Variants in DGKB observed in about 807,000 individuals in gnomAD.
The protein encoded by DGKB is diacylglycerol kinase beta.
DGKB carries 67 observed loss-of-function variants against 114.3 expected under a neutral mutation model. The ratio of observed to expected loss-of-function variants is 0.59; its 90% CI spans 0.48 to 0.72. DGKB has a LOEUF of 0.72. DGKB is among the 30% of genes least tolerant of loss of function. DGKB has a pLI of 0.00. For synonymous variants in DGKB, 398 were observed against 323.1 expected (o/e 1.23, Z -2.49); for missense variants, 907 against 975.2 (o/e 0.93, Z 0.93).
At chr7:14,200,317 C>T (rs1562598035) in intron 23 of DGKB, among the ~76,000 whole-genome samples, 1 of 151,960 alleles carries the variant, frequency 6.6e-6, no homozygotes, top group Non-Finnish European at 1.5e-5. Context: ...CAAGACCTAG[C>T]AGTTAAAAAA....
intron 1 of DGKB, among the ~76,000 whole-genome samples, chr7:14,882,435 T>C (rs2128215149): frequency 6.6e-6 from 1 of 152,208 alleles, no homozygotes; most frequent in Non-Finnish European, 1.5e-5. Context: ...TTTGAACTTC[T>C]ACTTTCTTTT....
chr7:14,729,131 T>G (rs1379429597), intron 5 of DGKB, among the ~76,000 whole-genome samples: 5 of 146,264 alleles, frequency 3.4e-5, no homozygotes, highest in Non-Finnish European at 7.5e-5. Flanking sequence ...TTCTTTTTTT[T>G]TTTTTTTTTT....
chr7:14,807,695 C>T (rs1462209726), intron 2 of DGKB, among the ~76,000 whole-genome samples: 1 of 151,986 alleles, frequency 6.6e-6, no homozygotes, highest in African/African-American at 2.4e-5. Context: ...GCCACAGAAG[C>T]TCTTGCTTTC....
intron 21 of DGKB, among the ~76,000 whole-genome samples, chr7:14,463,780 G>T (rs1238057891): frequency 6.6e-6 from 1 of 152,086 alleles, no homozygotes; most frequent in Non-Finnish European, 1.5e-5. Context: ...AATAATAATT[G>T]TAACTATCTC....
At chr7:14,267,790 A>G (rs1054346589) in intron 23 of DGKB, among the ~76,000 whole-genome samples, 1 of 152,048 alleles carries the variant, frequency 6.6e-6, no homozygotes, top group African/African-American at 2.4e-5. Flanking sequence ...TTCCCGGCCT[A>G]TTGTTTTAAG....
Position 14,606,137 on chromosome 7 carries a change from T to C in DGKB, c.1433+1297A>G, listed in dbSNP as rs140885111. On this transcript the variant is annotated intron_variant, in intron 17 of 25. Coordinates refer to ENST00000402815, the MANE Select transcript of DGKB (RefSeq NM_001350709.2). Reference sequence around the variant, plus strand: ...CTACTTTTTTGAAGTCCAGAGAATATTAAAGGACAAGAAAAAGAGCCATCC... The same window carrying C: ...CTACTTTTTTGAAGTCCAGAGAATACTAAAGGACAAGAAAAAGAGCCATCC... 3.6e-3 allele frequency among the ~76,000 whole-genome samples: 547 copies of C among 152,230 alleles called. 2 individuals are homozygous for C. The highest frequency in any genetic ancestry group is 6.0e-3 in the Non-Finnish European group (406 of 68,016).
chr7:14,699,721 A>C lies in DGKB; in HGVS notation c.517-1552T>G, dbSNP rs575267459. ...CCTGACAGCGAAGGAAAAATATTGG[A>C]GTAGTAGCTATTGTGGAGAAAACCC... On this transcript the variant is annotated intron_variant, in intron 7 of 25. Transcript: ENST00000402815. Among the ~76,000 whole-genome samples the C allele has an allele frequency of 3.9e-5, 6 of 152,308 alleles. No individual in the cohort carries two copies. The South Asian group carries it at 1.2e-3, about 32-fold the overall frequency.
chr7:14,957,009 T>C (rs766508369), intron 1 of DGKB, among the ~76,000 whole-genome samples: 3 of 152,006 alleles, frequency 2.0e-5, no homozygotes, highest in Non-Finnish European at 2.9e-5. Context: ...CTGTCAGTCA[T>C]ACACAAACAT....
At chr7:14,418,197 TTA>T (rs565100770) in intron 21 of DGKB, among the ~76,000 whole-genome samples, 2,154 of 122,848 alleles carry the variant, frequency 0.018, 52 homozygotes, top group African/African-American at 0.052. Flanking sequence ...ATAAAAAATT[TTA>T]TATTTATAAA....
chr7:14,483,877 C>G (rs777262807), intron 20 of DGKB, among the ~76,000 whole-genome samples: 1 of 152,018 alleles, frequency 6.6e-6, no homozygotes, highest in Non-Finnish European at 1.5e-5. Context: ...GGAGCATAAA[C>G]CTAGGAGCAC....
chr7:14,577,600 G>C (rs946861990), intron 19 of DGKB, among the ~76,000 whole-genome samples: 3 of 151,538 alleles, frequency 2.0e-5, no homozygotes, highest in Admixed American at 2.0e-4. Flanking sequence ...CTGGGCCAAA[G>C]AGTGAGACTC....
rs914073855 is a variant in DGKB at position 14,267,600 on chromosome 7, T to C, written c.2122+70915A>G. On this transcript the variant is annotated intron_variant, in intron 23 of 25. Transcript: ENST00000402815. ...ACCTCCTGGGTTCATGACATTCTCC[T>C]GCCTCAGCCTCCCGAGTAGCTGGGA... Among the ~76,000 whole-genome samples the C allele has an allele frequency of 5.9e-5, 9 of 152,014 alleles. 1 individual carries two copies. The highest frequency in any genetic ancestry group is 5.9e-4 in the Admixed American group (9 of 15,256).
chr7:14,688,531 G>A (rs1009607006), intron 9 of DGKB, among the ~76,000 whole-genome samples: 2 of 152,076 alleles, frequency 1.3e-5, no homozygotes, highest in African/African-American at 4.8e-5. Context: ...CAATTTTTCA[G>A]TCAAAATAAT....
intron 2 of DGKB, among the ~76,000 whole-genome samples, chr7:14,801,886 G>A (rs1434088654): frequency 6.7e-6 from 1 of 149,018 alleles, no homozygotes; most frequent in African/African-American, 2.5e-5. Flanking sequence ...ATGTGTGTGT[G>A]TATATATATA....
At chr7:14,763,883 G>T (rs1836070591) in intron 2 of DGKB, among the ~76,000 whole-genome samples, 1 of 151,988 alleles carries the variant, frequency 6.6e-6, no homozygotes. Context: ...AACCAAAATA[G>T]TGCCATGTTT....
chr7:14,422,639 CA>C (rs1228905877), intron 21 of DGKB, among the ~76,000 whole-genome samples: 1 of 151,922 alleles, frequency 6.6e-6, no homozygotes, highest in African/African-American at 2.4e-5. Context: ...CTATTTCTCT[CA>C]TAGGTTTTTT....
intron 21 of DGKB, among the ~76,000 whole-genome samples, chr7:14,467,049 TAAATC>T (rs1780580211): frequency 6.6e-6 from 1 of 152,042 alleles, no homozygotes; most frequent in South Asian, 2.1e-4. Context: ...TTGAACCAAT[TAAATC>T]AAAGCATAAA....
chr7:14,663,610 T>TTCCCTTCC (rs71004323), intron 13 of DGKB, among the ~76,000 whole-genome samples: 45,464 of 116,158 alleles, frequency 0.39, 11,494 homozygotes, highest in Non-Finnish European at 0.52. Flanking sequence ...TTCTTTTCTT[T>TTCCCTTCC]TCCCTTCCTC....
At chr7:14,266,778 G>A (rs796409058) in intron 23 of DGKB, among the ~76,000 whole-genome samples, 1 of 152,028 alleles carries the variant, frequency 6.6e-6, no homozygotes, top group East Asian at 1.9e-4. Context: ...ATATACAATT[G>A]TTTAACTAAA....
Sources: allele counts gnomAD v4.1 joint callset (sites outside exome capture counted in the v4.1 genomes callset), GRCh38; gene constraint gnomAD v4.1.1; transcripts MANE v1.5; gene names NCBI Gene and HGNC (gene_info 2026-07-23, HGNC 2026-07-21).